DCLK1: variants seen among roughly 807,000 people sequenced by gnomAD.
The protein encoded by DCLK1 is serine/threonine-protein kinase DCLK1.
DCLK1 carries 16 observed loss-of-function variants against 86.2 expected under a neutral mutation model. The ratio of observed to expected loss-of-function variants is 0.19; its 90% CI spans 0.13 to 0.28. The LOEUF (loss-of-function observed/expected upper bound fraction) is 0.28, where lower values mean the gene tolerates loss of function less well. Ranked by LOEUF, DCLK1 falls within the 10% of genes least tolerant of loss-of-function variation. DCLK1 has a pLI of 1.00. For missense variants in DCLK1, 590 were observed against 940.2 expected (o/e 0.63, Z 4.87); for synonymous variants, 369 against 370.5 (o/e 1.00, Z 0.05).
intron 3 of DCLK1, among the ~76,000 whole-genome samples, chr13:36,068,496 T>A (rs1387107006): frequency 6.6e-6 from 1 of 152,188 alleles, no homozygotes; most frequent in Non-Finnish European, 1.5e-5. Flanking sequence ...GGCCAAAAAT[T>A]AAATCCTTAG....
chr13:35,849,949 A>G, intron 6 of DCLK1: 1 of 956,564 alleles, frequency 1.0e-6, no homozygotes, highest in Non-Finnish European at 1.2e-6. Context: ...TACAATCTAT[A>G]GCAATGCCAT....
At chr13:36,114,564 T>C (rs7999443) in intron 2 of DCLK1, among the ~76,000 whole-genome samples, 3 of 152,168 alleles carry the variant, frequency 2.0e-5, no homozygotes, top group South Asian at 2.1e-4. Flanking sequence ...GATTTCCTTA[T>C]GCTAATAAAT....
intron 4 of DCLK1, among the ~76,000 whole-genome samples, chr13:35,899,283 G>A (rs1218669389): frequency 6.6e-6 from 1 of 151,980 alleles, no homozygotes; most frequent in Non-Finnish European, 1.5e-5. Context: ...AATAATATGA[G>A]AGAGAGAGCA....
intron 3 of DCLK1, among the ~76,000 whole-genome samples, chr13:36,103,363 C>T (rs1885285542): frequency 6.8e-6 from 1 of 147,794 alleles, no homozygotes; most frequent in South Asian, 2.1e-4. Context: ...GAGACTGCAC[C>T]ACTGCATTCC....
At chr13:36,080,259 T>C (rs1566672972) in intron 3 of DCLK1, among the ~76,000 whole-genome samples, 1 of 151,842 alleles carries the variant, frequency 6.6e-6, no homozygotes, top group Non-Finnish European at 1.5e-5. Flanking sequence ...GTGGAGGGCA[T>C]AAGAAAGGAA....
intron 11 of DCLK1, among the ~76,000 whole-genome samples, chr13:35,816,021 T>G (rs1245094620): frequency 6.6e-6 from 1 of 152,166 alleles, no homozygotes; most frequent in Non-Finnish European, 1.5e-5. Flanking sequence ...AACCTGATTC[T>G]CACCCTCAAT....
intron 4 of DCLK1, among the ~76,000 whole-genome samples, chr13:35,897,415 G>T (rs540943755): frequency 6.6e-6 from 1 of 152,254 alleles, no homozygotes; most frequent in Non-Finnish European, 1.5e-5. Flanking sequence ...CAGGTGTGAG[G>T]TAAGACTGGC....
chr13:36,093,145 T>G (rs1038043237), intron 3 of DCLK1, among the ~76,000 whole-genome samples: 3 of 152,208 alleles, frequency 2.0e-5, no homozygotes, highest in African/African-American at 7.2e-5. Context: ...TACTTCTACA[T>G]CAAACCTTCA....
At chr13:35,968,079 T>C (rs1265999509) in intron 3 of DCLK1, among the ~76,000 whole-genome samples, 1 of 151,854 alleles carries the variant, frequency 6.6e-6, no homozygotes, top group Non-Finnish European at 1.5e-5. Context: ...TTCTGACACA[T>C]GCTACAAGAT....
intron 4 of DCLK1, among the ~76,000 whole-genome samples, chr13:35,900,841 G>A (rs1024498195): frequency 6.6e-6 from 1 of 152,170 alleles, no homozygotes; most frequent in African/African-American, 2.4e-5. Flanking sequence ...ATTATAGAAT[G>A]TGGAAATAAA....
chr13:36,055,597 C>A (rs1883273470), intron 3 of DCLK1, among the ~76,000 whole-genome samples: 1 of 152,190 alleles, frequency 6.6e-6, no homozygotes, highest in African/African-American at 2.4e-5. Context: ...CACTGTACTG[C>A]TGTTCAATTT....
At chr13:35,819,448 T>C (rs1484542611) in intron 11 of DCLK1, among the ~76,000 whole-genome samples, 1 of 152,204 alleles carries the variant, frequency 6.6e-6, no homozygotes, top group Non-Finnish European at 1.5e-5. Context: ...ACAATTATAC[T>C]GTGTACAATG....
At chr13:36,050,495 C>G (rs1468259873) in intron 3 of DCLK1, among the ~76,000 whole-genome samples, 1 of 151,998 alleles carries the variant, frequency 6.6e-6, no homozygotes. Flanking sequence ...CCAACCAGCA[C>G]CAGAAGATCA....
At chr13:35,897,993 T>G (rs1874105844) in intron 4 of DCLK1, among the ~76,000 whole-genome samples, 3 of 152,226 alleles carry the variant, frequency 2.0e-5, no homozygotes, top group African/African-American at 7.2e-5. Flanking sequence ...TTGTAGGTCT[T>G]CAAACATATA....
intron 3 of DCLK1, among the ~76,000 whole-genome samples, chr13:36,002,809 G>A (rs963929737): frequency 6.6e-6 from 1 of 152,182 alleles, no homozygotes; most frequent in Non-Finnish European, 1.5e-5. Flanking sequence ...TTTAAATCCT[G>A]TGGCAAATTA....
intron 3 of DCLK1, among the ~76,000 whole-genome samples, chr13:35,952,017 G>C (rs965519569): frequency 6.6e-6 from 1 of 152,048 alleles, no homozygotes; most frequent in Non-Finnish European, 1.5e-5. Flanking sequence ...ACTTCCACTT[G>C]GATGTTAATC....
intron 3 of DCLK1, among the ~76,000 whole-genome samples, chr13:35,949,784 G>C (rs957449871): frequency 6.7e-6 from 1 of 150,060 alleles, no homozygotes; most frequent in Non-Finnish European, 1.5e-5. Context: ...CTCCAAGTCT[G>C]AGACTTAAAG....
intron 6 of DCLK1, chr13:35,849,673 T>C (rs1870466094): frequency 2.0e-6 from 2 of 984,216 alleles, no homozygotes; most frequent in Non-Finnish European, 2.4e-6. Context: ...GTTATAATCA[T>C]AGACTTAATT....
At chr13:35,790,656 G>A (rs1242530076) in intron 16 of DCLK1, among the ~76,000 whole-genome samples, 2 of 152,054 alleles carry the variant, frequency 1.3e-5, no homozygotes, top group Non-Finnish European at 2.9e-5. Flanking sequence ...AGTCATCACT[G>A]TATTATATCA....
Sources: gnomAD v4.1 joint callset for allele counts (sites outside exome capture counted in the v4.1 genomes callset) on GRCh38, gnomAD v4.1.1 for gene constraint, MANE v1.5 for transcripts, NCBI Gene and HGNC (gene_info 2026-07-23, HGNC 2026-07-21) for gene names.